Variants in INO80 observed in about 807,000 individuals in gnomAD.
INO80 encodes the protein INO80 complex ATPase subunit.
Under a neutral mutation model 203.4 loss-of-function variants are expected in INO80, and 20 were observed. That is an observed-to-expected ratio of 0.10 (90% CI 0.07 to 0.14). INO80 has a LOEUF of 0.14. Among genes scored for constraint, INO80 ranks in the 10% least tolerant of loss-of-function variants. The probability of loss-of-function intolerance (pLI) is 1.00; values close to 1 mark genes in which losing one functional copy is unlikely to be tolerated. For synonymous variants in INO80, 726 were observed against 685.2 expected, an observed-to-expected ratio of 1.06 and a Z score of -0.93; for missense variants, 1,419 against 1,914.4, an observed-to-expected ratio of 0.74 and a Z score of 4.83.
rs564234337 is a variant in INO80, at chr15:41,089,469, C to T, written c.538-1787G>A. 5.9e-5 allele frequency among the ~76,000 whole-genome samples: 9 copies of T among 152,158 alleles called. No individual in the cohort carries two copies. In the South Asian group the frequency reaches 1.9e-3, roughly 32 times the overall value. ...CACACTTGTAGAAATAGTCAGAAGGCGGCTGGGCGGGGTGGCTCACCCCTG... is the reference window on the plus strand; with the variant it reads ...CACACTTGTAGAAATAGTCAGAAGGTGGCTGGGCGGGGTGGCTCACCCCTG... On this transcript the variant is annotated intron_variant, in intron 5 of 35. Transcript: ENST00000648947.
intron 24 of INO80, among the ~76,000 whole-genome samples, chr15:41,040,066 G>A (rs192341344): frequency 1.3e-3 from 204 of 152,160 alleles, no homozygotes; most frequent in African/African-American, 4.7e-3. Context: ...AGATTTAGCC[G>A]AGTACACGGG....
rs1390932970 is a variant in INO80 at position 41,085,419 on chromosome 15, C to T, written c.823G>A (p.Ala275Thr). 1.9e-6 allele frequency: 3 copies of T among 1,614,208 alleles called. No homozygotes were observed. The highest frequency in any genetic ancestry group is 1.1e-5 in the South Asian group (1 of 91,078). The change falls in exon 7 of 36, where the codon GCT becomes ACT. Residue 275 changes from alanine to threonine, a missense_variant. Physicochemically the swap from Ala to Thr is moderately conservative, Grantham distance 58. Around this residue, in one of 9 missense-constraint regions of INO80, gnomAD observed 323 missense variants for 325.4 expected, o/e 0.99. Coordinates refer to ENST00000648947, the MANE Select transcript of INO80 (RefSeq NM_017553.3). ...CTGAGCCATACTTTCCTGCGACGAG[C>T]ATTCAGCTGCTCAATGGATAAGTGC... ...KKHLSIEQLN[A>T]RRRKVWLSIV... is the part of the protein sequence containing the mutation.
intron 1 of INO80, among the ~76,000 whole-genome samples, chr15:41,106,075 T>C (rs983179449): frequency 6.6e-6 from 1 of 151,818 alleles, no homozygotes; most frequent in African/African-American, 2.4e-5. Flanking sequence ...CTGGGTAACA[T>C]AGGGAGACCC....
Position 41,033,754 on chromosome 15 carries a change from A to T in INO80, c.2908-6018T>A, listed in dbSNP as rs80341142. On this transcript the variant is annotated intron_variant, in intron 24 of 35. Coordinates refer to ENST00000648947, the MANE Select transcript of INO80 (RefSeq NM_017553.3). Reference sequence around the variant, plus strand: ...ATTCACATCAATTAAGAGATTTTTTAAAAACCCCAAACTTAGGCCAGGCGC... The same window carrying T: ...ATTCACATCAATTAAGAGATTTTTTTAAAACCCCAAACTTAGGCCAGGCGC... Among the ~76,000 whole-genome samples, 606 of 152,258 alleles carry T rather than the reference A, an allele frequency of 4.0e-3. 34 individuals carry two copies. The East Asian group carries it at 0.1, about 25-fold the overall frequency.
chr15:40,979,949 G>C lies in INO80; in HGVS notation c.*274C>G. The C allele has an allele frequency of 4.1e-6, 2 of 482,782 alleles. No individual in the cohort carries two copies. The highest frequency in any genetic ancestry group is 4.6e-5 in the South Asian group (2 of 43,294). The allele number at this position is 482,782 out of a possible 1,614,324, so 29.9% of individuals were successfully genotyped here. On this transcript the variant is annotated 3_prime_UTR_variant, in exon 36 of 36. Coordinates refer to ENST00000648947, the MANE Select transcript of INO80 (RefSeq NM_017553.3). ...GGGGTCTGTGTCAGGCTTGCCCCGTGAGAGGTTTAAGACTTGGCTATACAG... is the reference window on the plus strand; with the variant it reads ...GGGGTCTGTGTCAGGCTTGCCCCGTCAGAGGTTTAAGACTTGGCTATACAG...
chr15:41,108,344 C>A (rs1218811109), intron 1 of INO80, among the ~76,000 whole-genome samples: 3 of 151,578 alleles, frequency 2.0e-5, no homozygotes, highest in African/African-American at 7.3e-5. Context: ...AATCCCAGCA[C>A]TTTGGGAGGC....
chr15:41,052,662 G>A (rs1360191569), intron 19 of INO80, among the ~76,000 whole-genome samples: 12 of 135,924 alleles, frequency 8.8e-5, no homozygotes, highest in Non-Finnish European at 1.4e-4. Context: ...GACAGAGCGA[G>A]CCCTTGTCTT....
rs1342099819 is a variant in INO80, at chr15:41,116,129, C to G, written c.-200G>C. The G allele has an allele frequency of 2.5e-6, 1 of 400,922 alleles. No homozygotes were observed. Among genetic ancestry groups the G allele is most frequent in the African/African-American group, 2.1e-5 (1 of 48,596 alleles). 24.8% of individuals were successfully genotyped at this position (400,922 alleles called of 1,614,324 possible). Reference sequence around the variant, plus strand: ...GCGTTGGGCGTGGACGCTCCTAGCTCGCTCCCTCCGCGGCTCCTGGGACCC... The same window carrying G: ...GCGTTGGGCGTGGACGCTCCTAGCTGGCTCCCTCCGCGGCTCCTGGGACCC... On this transcript the variant is annotated 5_prime_UTR_variant, in exon 1 of 36. Transcript: ENST00000648947.
chr15:40,988,062 T>G, intron 29 of INO80, 88 bp from the exon 30 acceptor site: 1 of 1,130,120 alleles, frequency 8.8e-7, no homozygotes, highest in Non-Finnish European at 1.3e-6. Context: ...GTTTGCGAGT[T>G]TGGCGTCAGT....
intron 19 of INO80, 30 bp downstream of exon 19, chr15:41,053,899 G>C: frequency 6.4e-7 from 1 of 1,554,652 alleles, no homozygotes; most frequent in East Asian, 2.2e-5. Flanking sequence ...GCCTATTGAG[G>C]CTTAAACACA....
chr15:41,056,557 C>A, intron 17 of INO80, 65 bp downstream of exon 17: 1 of 1,239,384 alleles, frequency 8.1e-7, no homozygotes. Flanking sequence ...GTAAAGAATT[C>A]TATGCTCTGC....
chr15:41,097,407 AG>A (rs2045742111), intron 1 of INO80, among the ~76,000 whole-genome samples: 1 of 152,230 alleles, frequency 6.6e-6, no homozygotes. Context: ...AAATACTTAA[AG>A]GGTTACACGA....
chr15:41,044,869 C>T, intron 24 of INO80, 35 bp downstream of exon 24: 1 of 1,556,972 alleles, frequency 6.4e-7, no homozygotes, highest in South Asian at 1.2e-5. Flanking sequence ...AAAGAAGATA[C>T]TAAGTAGGTA....
chr15:41,035,340 T>C (rs1032216708), intron 24 of INO80, among the ~76,000 whole-genome samples: 3 of 152,056 alleles, frequency 2.0e-5, no homozygotes, highest in Non-Finnish European at 4.4e-5. Flanking sequence ...TCTGGGAGGC[T>C]GAGGCAGGGG....
chr15:41,097,370 G>C (rs1213385056), intron 1 of INO80, among the ~76,000 whole-genome samples: 1 of 151,922 alleles, frequency 6.6e-6, no homozygotes, highest in South Asian at 2.1e-4. Context: ...TCAAACAGTA[G>C]CATCTGCCTT....
intron 1 of INO80, among the ~76,000 whole-genome samples, chr15:41,096,927 A>C (rs1008580351): frequency 6.6e-6 from 1 of 152,238 alleles, no homozygotes; most frequent in African/African-American, 2.4e-5. Flanking sequence ...AGAAAATTGG[A>C]GCTAAAAGAG....
chr15:41,074,644 T>C (rs1461784646), intron 9 of INO80, 79 bp from the exon 10 acceptor site: 12 of 889,736 alleles, frequency 1.3e-5, no homozygotes, highest in South Asian at 3.7e-5. Flanking sequence ...CCACTTATAT[T>C]TGCATACAAT....
At chr15:41,056,769 G>A (rs906055710) in intron 16 of INO80, 63 bp from the exon 17 acceptor site, 9 of 1,393,564 alleles carry the variant, frequency 6.5e-6, no homozygotes, top group Non-Finnish European at 9.2e-6. Flanking sequence ...TTATCCTACT[G>A]AGACCCCATA....
chr15:41,080,805 T>C (rs1344995149), intron 8 of INO80, among the ~76,000 whole-genome samples: 3 of 151,958 alleles, frequency 2.0e-5, no homozygotes, highest in African/African-American at 7.3e-5. Context: ...TGAGCCAAGA[T>C]CACTGCCACT....
Sources: allele counts gnomAD v4.1 joint callset (sites outside exome capture counted in the v4.1 genomes callset), GRCh38; gene constraint gnomAD v4.1.1; regional missense constraint gnomAD v4.1.1; transcripts MANE v1.5; gene names NCBI Gene and HGNC (gene_info 2026-07-23, HGNC 2026-07-21).